Variants in BLOC1S5 observed in about 807,000 individuals in gnomAD.
BLOC1S5 encodes biogenesis of lysosome-related organelles complex 1 subunit 5.
Under a neutral mutation model 24.3 loss-of-function variants are expected in BLOC1S5, and 27 were observed. The observed-to-expected ratio is 1.11, with a 90% confidence interval of 0.82 to 1.53. BLOC1S5 has a LOEUF of 1.53. BLOC1S5 is among the 40% of genes most tolerant of loss of function. The probability of loss-of-function intolerance (pLI) is 0.00; values close to 1 mark genes in which losing one functional copy is unlikely to be tolerated. For synonymous variants in BLOC1S5, 84 were observed against 74.5 expected, an observed-to-expected ratio of 1.13 and a Z score of -0.66; for missense variants, 239 against 229.4, an observed-to-expected ratio of 1.04 and a Z score of -0.27.
chr6:8,026,325 G>T, intron 4 of BLOC1S5, 42 bp downstream of exon 4: 1 of 1,454,826 alleles, frequency 6.9e-7, no homozygotes, highest in Non-Finnish European at 9.6e-7. Context: ...TGATAATAAA[G>T]ATGCAAGAAT....
rs1176721779 is a variant in BLOC1S5, at chr6:8,013,670, C to A, written c.*1979G>T. 2 of 152,230 alleles carry A rather than the reference C, an allele frequency of 1.3e-5. No homozygotes were observed. The highest frequency in any genetic ancestry group is 3.8e-4 in the East Asian group (2 of 5,204). 9.4% of individuals were successfully genotyped at this position (152,230 alleles called of 1,614,324 possible). The stretch of plus-strand genomic sequence containing the variant: ...GTTAAGAATATATTCCCTTCACACA[C>A]ACAATCTTAATTTCTTGGTTACAGC... On this transcript the variant is annotated 3_prime_UTR_variant, in exon 5 of 5. Coordinates refer to ENST00000397457, the MANE Select transcript of BLOC1S5 (RefSeq NM_201280.3).
chr6:8,033,234 A>G (rs1763365514), intron 3 of BLOC1S5, among the ~76,000 whole-genome samples: 1 of 152,218 alleles, frequency 6.6e-6, no homozygotes, highest in Non-Finnish European at 1.5e-5. Flanking sequence ...ACTATACTAC[A>G]AGGCTACAGT....
intron 2 of BLOC1S5, among the ~76,000 whole-genome samples, chr6:8,056,573 C>T (rs1764316282): frequency 1.3e-5 from 2 of 152,200 alleles, no homozygotes; most frequent in Non-Finnish European, 2.9e-5. Flanking sequence ...TATTTCAATG[C>T]TTATGGCACA....
intron 2 of BLOC1S5, among the ~76,000 whole-genome samples, chr6:8,054,847 T>C (rs17143330): frequency 0.019 from 2,936 of 152,318 alleles, 88 homozygotes; most frequent in African/African-American, 0.066. Context: ...ATTTGCTCTA[T>C]TACATCGCTT....
At chr6:8,054,710 T>C (rs576989321) in intron 2 of BLOC1S5, among the ~76,000 whole-genome samples, 1 of 152,380 alleles carries the variant, frequency 6.6e-6, no homozygotes, top group Non-Finnish European at 1.5e-5. Context: ...CTAAGAGATT[T>C]ATTGGTAACT....
At chr6:8,052,008 C>T (rs1764123889) in intron 2 of BLOC1S5, among the ~76,000 whole-genome samples, 1 of 143,088 alleles carries the variant, frequency 7.0e-6, no homozygotes, top group Non-Finnish European at 1.5e-5. Flanking sequence ...AGTCTTGCCA[C>T]CCAGGCTGGA....
At chr6:8,050,152 C>T (rs1023079171) in intron 2 of BLOC1S5, among the ~76,000 whole-genome samples, 5 of 152,202 alleles carry the variant, frequency 3.3e-5, no homozygotes, top group African/African-American at 1.2e-4. Flanking sequence ...AGCATGAGCT[C>T]ACCTTGTGTC....
At chr6:8,045,548 A>G (rs147166890) in intron 2 of BLOC1S5, among the ~76,000 whole-genome samples, 4,847 of 152,248 alleles carry the variant, frequency 0.032, 244 homozygotes, top group African/African-American at 0.11. Context: ...TGGAAAAGCC[A>G]CAGACACTCA....
At chr6:8,047,722 C>G (rs770902888) in intron 2 of BLOC1S5, among the ~76,000 whole-genome samples, 9 of 152,186 alleles carry the variant, frequency 5.9e-5, no homozygotes, top group Non-Finnish European at 1.0e-4. Flanking sequence ...ACTCCTTTGT[C>G]TGTTCTCTTT....
intron 2 of BLOC1S5, among the ~76,000 whole-genome samples, chr6:8,057,196 G>A (rs1301117787): frequency 6.6e-6 from 1 of 151,824 alleles, no homozygotes; most frequent in Non-Finnish European, 1.5e-5. Context: ...TCCAGCCTGG[G>A]CAACAAGAGT....
intron 2 of BLOC1S5, among the ~76,000 whole-genome samples, chr6:8,043,339 C>A (rs1215470293): frequency 6.6e-6 from 1 of 152,104 alleles, no homozygotes; most frequent in African/African-American, 2.4e-5. Flanking sequence ...CTCAACCAAG[C>A]CAAGAAGGTT....
In BLOC1S5 at chr6:8,033,514, C is replaced by T. The variant is rs577970784; in HGVS notation, c.326-7089G>A. Among the ~76,000 whole-genome samples, 871 of 152,270 alleles carry T rather than the reference C, an allele frequency of 5.7e-3. 7 individuals are homozygous for T. The highest frequency in any genetic ancestry group is 0.02 in the African/African-American group (828 of 41,560). On this transcript the variant is annotated intron_variant, in intron 3 of 4. Transcript: ENST00000397457. Reference sequence around the variant, plus strand: ...AAAGACTTAAACGTTAGACCTAAAACCATAAAAACCCTAGAAGAAAACCTA... The same window carrying T: ...AAAGACTTAAACGTTAGACCTAAAATCATAAAAACCCTAGAAGAAAACCTA...
intron 2 of BLOC1S5, among the ~76,000 whole-genome samples, chr6:8,051,620 T>C (rs1764107426): frequency 6.6e-6 from 1 of 152,246 alleles, no homozygotes; most frequent in East Asian, 1.9e-4. Flanking sequence ...GAGAAGTCAA[T>C]GCCTGGCTTC....
chr6:8,036,284 A>C (rs1377216002), intron 3 of BLOC1S5, among the ~76,000 whole-genome samples: 2 of 151,796 alleles, frequency 1.3e-5, no homozygotes, highest in African/African-American at 4.9e-5. Context: ...GACTTCAAAT[A>C]AACAACCTAA....
At chr6:8,016,786 C>T (rs765244104) in intron 4 of BLOC1S5, among the ~76,000 whole-genome samples, 9 of 144,536 alleles carry the variant, frequency 6.2e-5, no homozygotes, top group African/African-American at 1.5e-4. Context: ...GAAACTGAGG[C>T]GGAAGAACTG....
At chr6:8,041,291 TAATA>T (rs1385767788) in intron 2 of BLOC1S5, 23 bp from the exon 3 acceptor site, 9 of 1,412,074 alleles carry the variant, frequency 6.4e-6, no homozygotes, top group Non-Finnish European at 7.8e-6. Flanking sequence ...AGTAGATGAC[TAATA>T]AATATGGTGT....
At position 8,032,640 on chromosome 6, in the gene BLOC1S5, G is replaced by C. The variant is rs181347273; in HGVS notation, c.326-6215C>G. On this transcript the variant is annotated intron_variant, in intron 3 of 4. Transcript: ENST00000397457. ...AGTTCTGGTCAGGGCAATCAGGCAC[G>C]AGAAAGAAATAAAGGGTATTCAATT... 1.2e-3 allele frequency among the ~76,000 whole-genome samples: 190 copies of C among 152,224 alleles called. 1 individual carries two copies. Among genetic ancestry groups the C allele is most frequent in the Non-Finnish European group, 2.4e-3 (161 of 68,012 alleles).
At position 8,027,386 on chromosome 6, in the gene BLOC1S5, A is replaced by G. The variant is rs1265366067; in HGVS notation, c.326-961T>C. ...TTGTTGGTCCTCCTATCTCTCAGCA[A>G]CTTAGTTCCTCATCTGTAAAATGAA... On this transcript the variant is annotated intron_variant, in intron 3 of 4. Coordinates refer to ENST00000397457, the MANE Select transcript of BLOC1S5 (RefSeq NM_201280.3). 8 of 456,616 alleles carry G rather than the reference A, an allele frequency of 1.8e-5. No homozygotes were observed. In the East Asian group the frequency reaches 5.6e-4, roughly 32 times the overall value. 28.3% of individuals were successfully genotyped at this position (456,616 alleles called of 1,614,324 possible).
In BLOC1S5 at chr6:8,015,475, C is replaced by T; in HGVS notation, c.*174G>A. ...CACTTAAAGCTGGAAAAATGTGGCA[C>T]CCTTCTTTAAATATCCAATCAGAAT... is the stretch of plus-strand genomic sequence containing the variant. On this transcript the variant is annotated 3_prime_UTR_variant, in exon 5 of 5. Coordinates refer to ENST00000397457, the MANE Select transcript of BLOC1S5 (RefSeq NM_201280.3). The T allele has an allele frequency of 1.6e-6, 1 of 610,684 alleles. No homozygotes were observed. Among genetic ancestry groups the T allele is most frequent in the Non-Finnish European group, 2.7e-6 (1 of 372,216 alleles). 37.8% of individuals were successfully genotyped at this position (610,684 alleles called of 1,614,324 possible).
Sources: allele counts gnomAD v4.1 joint callset (sites outside exome capture counted in the v4.1 genomes callset), GRCh38; gene constraint gnomAD v4.1.1; transcripts MANE v1.5; gene names NCBI Gene and HGNC (gene_info 2026-07-23, HGNC 2026-07-21).